DOP1B: variants seen among roughly 807,000 people sequenced by gnomAD.
The protein encoded by DOP1B is DOP1 leucine zipper like protein B.
DOP1B carries 174 observed loss-of-function variants against 233.5 expected under a neutral mutation model. The observed-to-expected ratio is 0.75, with a 90% CI of 0.66 to 0.85. The LOEUF (loss-of-function observed/expected upper bound fraction) is 0.85. Ranked by LOEUF, DOP1B falls within the 40% of genes least tolerant of loss-of-function variation. The pLI is 0.00. For synonymous variants in DOP1B, 1,190 were observed against 1,185.6 expected, an observed-to-expected ratio of 1.00 and a Z score of -0.08; for missense variants, 2,652 against 2,846.6, an observed-to-expected ratio of 0.93 and a Z score of 1.56.
rs200620596 is a variant in DOP1B at position 36,239,982 on chromosome 21, G to A, written c.3067+27G>A. The stretch of plus-strand genomic sequence containing the variant: ...TGAGCAGCCTGCACAGGACCCGAGG[G>A]TGAGGGAGGAATGGGTGGGGGGACT... On this transcript the variant is annotated intron_variant, in intron 18 of 36. Coordinates refer to ENST00000691173, the MANE Select transcript of DOP1B (RefSeq NM_001320714.2). 157 of 1,588,132 alleles carry A rather than the reference G, an allele frequency of 9.9e-5. 1 individual carries two copies. In the African/African-American group the frequency reaches 1.7e-3, roughly 17 times the overall value.
chr21:36,207,490 GT>G (rs1027284202), intron 4 of DOP1B, among the ~76,000 whole-genome samples: 2 of 120,954 alleles, frequency 1.7e-5, no homozygotes, highest in African/African-American at 7.4e-5. Flanking sequence ...CAGCCAAACA[GT>G]TTTTTTTGTT....
chr21:36,287,656 G>A (rs894954268), intron 32 of DOP1B, among the ~76,000 whole-genome samples: 59 of 127,546 alleles, frequency 4.6e-4, no homozygotes, highest in Non-Finnish European at 8.1e-4. Flanking sequence ...GTGTGATCTC[G>A]GCCCACTGCA....
chr21:36,247,712 T>C (rs959413759), intron 20 of DOP1B, 84 bp downstream of exon 20: 2 of 998,906 alleles, frequency 2.0e-6, no homozygotes, highest in Non-Finnish European at 1.5e-6. Flanking sequence ...ATAAGTAACG[T>C]ATGTATGTAA....
chr21:36,227,019 C>CA (rs1231863555), intron 12 of DOP1B, among the ~76,000 whole-genome samples: 2 of 149,998 alleles, frequency 1.3e-5, no homozygotes, highest in East Asian at 4.0e-4. Flanking sequence ...CCCTGGCTAA[C>CA]ACGGTGAAAC....
At chr21:36,277,214 T>A (rs2067360752) in intron 28 of DOP1B, 114 bp downstream of exon 28, 4 of 1,019,044 alleles carry the variant, frequency 3.9e-6, no homozygotes, top group Admixed American at 2.3e-5. Context: ...CCCTCCCAGG[T>A]GAGCTCGTCC....
chr21:36,197,398 T>C (rs2066303424), intron 2 of DOP1B, among the ~76,000 whole-genome samples: 1 of 152,162 alleles, frequency 6.6e-6, no homozygotes. Context: ...AAGAGGAAAG[T>C]TGTCATGGCC....
At chr21:36,216,637 A>G (rs1267442936) in intron 9 of DOP1B, among the ~76,000 whole-genome samples, 2 of 152,158 alleles carry the variant, frequency 1.3e-5, no homozygotes, top group African/African-American at 4.8e-5. Context: ...CTACCATATC[A>G]GCTCACTTTA....
At chr21:36,219,007 T>C (rs1186590729) in intron 9 of DOP1B, among the ~76,000 whole-genome samples, 1 of 152,244 alleles carries the variant, frequency 6.6e-6, no homozygotes, top group East Asian at 1.9e-4. Context: ...TCTGCCTCTA[T>C]CTAGCAGAAT....
intron 2 of DOP1B, among the ~76,000 whole-genome samples, chr21:36,186,709 A>G (rs1402901969): frequency 6.6e-6 from 1 of 152,140 alleles, no homozygotes; most frequent in Non-Finnish European, 1.5e-5. Flanking sequence ...GCGGACCTGA[A>G]ATACTCTGCA....
chr21:36,294,258 T>C lies in DOP1B; in HGVS notation c.*687T>C, dbSNP rs879677758. 7.2e-5 allele frequency: 11 copies of C among 152,668 alleles called. No individual in the cohort carries two copies. The highest frequency in any genetic ancestry group is 5.9e-4 in the Admixed American group (9 of 15,264). The allele number at this position is 152,668 out of a possible 1,614,324, so 9.5% of individuals were successfully genotyped here. ...AAAGTTTAAACTTATTAAAAGAATG[T>C]TATTTTTAACCTTTCACACAAATGT... On this transcript the variant is annotated 3_prime_UTR_variant, in exon 37 of 37. Transcript: ENST00000691173.
intron 3 of DOP1B, among the ~76,000 whole-genome samples, chr21:36,199,990 T>C (rs2066342501): frequency 6.6e-6 from 1 of 152,228 alleles, no homozygotes. Context: ...TTTCTAGTTC[T>C]AGATCCTTGA....
intron 2 of DOP1B, among the ~76,000 whole-genome samples, chr21:36,184,258 A>G (rs1007529946): frequency 1.3e-5 from 2 of 152,136 alleles, no homozygotes; most frequent in African/African-American, 4.8e-5. Context: ...CATGTTGGTC[A>G]GGCTGGTCTC....
rs780261661 is a variant in DOP1B at position 36,246,312 on chromosome 21, G to T, written c.4332G>T (p.Leu1444=). 6.2e-7 allele frequency: 1 copy of T among 1,613,952 alleles called. No individual in the cohort carries two copies. The highest frequency in any genetic ancestry group is 2.2e-5 in the East Asian group (1 of 44,882). ...EHPLQIELLK[L]LQVLIVLEHH... ...CGCTGCAGATTGAGCTGCTGAAGCT[G>T]CTGCAGGTGCTGATTGTCTTGGAAC... Residue 1444 remains leucine (L), a synonymous_variant, in exon 19 of 37, where the codon CTG becomes CTT. Coordinates refer to ENST00000691173, the MANE Select transcript of DOP1B (RefSeq NM_001320714.2). This position sits in a 1 kb window ranked among gnomAD's most constrained non-coding sequence, Gnocchi z 5.1.
chr21:36,230,799 C>T lies in DOP1B; in HGVS notation c.2015C>T (p.Ala672Val), dbSNP rs2066754201. The T allele has an allele frequency of 6.2e-7, 1 of 1,614,140 alleles. No individual in the cohort carries two copies. The highest frequency in any genetic ancestry group is 8.5e-7 in the Non-Finnish European group (1 of 1,180,018). The change falls in exon 14 of 37, where the codon GCA becomes GTA. Residue 672 changes from alanine (A) to valine (V), a missense_variant. Ala to Val is a moderately conservative substitution (Grantham distance 64). Around this residue, in one of 3 missense-constraint regions of DOP1B, gnomAD observed 2,617 missense variants for 2,794.3 expected, o/e 0.94. Transcript: ENST00000691173. ...GACAGGGATGGGACGCAGAGCCTGGCAGCCAATGATTCCAGCAGGAAGAAC... is the reference window on the plus strand; with the variant it reads ...GACAGGGATGGGACGCAGAGCCTGGTAGCCAATGATTCCAGCAGGAAGAAC... Reference protein sequence around the residue: ...KRDRDGTQSLAANDSSRKNSW... With the variant: ...KRDRDGTQSLVANDSSRKNSW...
At chr21:36,278,431 A>C (rs1569068190) in intron 30 of DOP1B, 76 bp downstream of exon 30, 33 of 1,478,302 alleles carry the variant, frequency 2.2e-5, no homozygotes, top group Middle Eastern at 2.2e-4. Flanking sequence ...CAGAATTCTC[A>C]TTCCTGAAAT....
chr21:36,247,815 A>G (rs974365785), intron 20 of DOP1B, among the ~76,000 whole-genome samples, 187 bp downstream of exon 20: 5 of 152,296 alleles, frequency 3.3e-5, no homozygotes, highest in Non-Finnish European at 5.9e-5. Context: ...CATGTGTGTT[A>G]GCAATGCAAG....
chr21:36,232,074 G>A (rs1276992662), intron 14 of DOP1B, among the ~76,000 whole-genome samples: 1 of 152,112 alleles, frequency 6.6e-6, no homozygotes, highest in Non-Finnish European at 1.5e-5. Flanking sequence ...TCAATCTTTT[G>A]ACCTCGCGAT....
At position 36,212,873 on chromosome 21, in the gene DOP1B, C is replaced by A. The variant is rs1569024773; in HGVS notation, c.904+776C>A. On this transcript the variant is annotated intron_variant, in intron 7 of 36. Coordinates refer to ENST00000691173, the MANE Select transcript of DOP1B (RefSeq NM_001320714.2). ...CTCAGCTCACTACAACCTCGGCCTC[C>A]CAAGTTGGAGTGGTTCTCCTGCCTC... Among the ~76,000 whole-genome samples, 3 of 152,326 alleles carry A rather than the reference C, an allele frequency of 2.0e-5. No homozygotes were observed. In the East Asian group the frequency reaches 5.8e-4, roughly 29 times the overall value.
At chr21:36,201,046 A>T (rs1472391560) in intron 4 of DOP1B, among the ~76,000 whole-genome samples, 1 of 152,200 alleles carries the variant, frequency 6.6e-6, no homozygotes. Flanking sequence ...CTCATTAATA[A>T]GGGAGACCAT....
Sources: gnomAD v4.1 joint callset for allele counts (sites outside exome capture counted in the v4.1 genomes callset) on GRCh38, gnomAD v4.1.1 for gene constraint, gnomAD v4.1.1 regional missense constraint, Gnocchi (gnomAD v3.1) non-coding constraint, MANE v1.5 for transcripts, NCBI Gene and HGNC (gene_info 2026-07-23, HGNC 2026-07-21) for gene names.